RAPGEF4: variants seen among roughly 807,000 people sequenced by gnomAD.
RAPGEF4 encodes RAP guanine-nucleotide-exchange factor (GEF) 4.
A neutral mutation model predicts 147.9 loss-of-function variants in RAPGEF4; 66 were observed. That is an observed-to-expected ratio of 0.45 (90% CI 0.37 to 0.55). The LOEUF (loss-of-function observed/expected upper bound fraction) is 0.55. Among genes scored for constraint, RAPGEF4 ranks in the 20% least tolerant of loss-of-function variants. RAPGEF4 has a pLI of 0.00. For missense variants in RAPGEF4, 1,071 were observed against 1,257.3 expected (o/e 0.85, Z 2.24); for synonymous variants, 419 against 442.7 (o/e 0.95, Z 0.67).
intron 4 of RAPGEF4, among the ~76,000 whole-genome samples, chr2:172,840,887 G>T (rs1018449283): frequency 6.6e-6 from 1 of 152,180 alleles, no homozygotes; most frequent in African/African-American, 2.4e-5. Context: ...AGGCCACCAT[G>T]CTGGGCATTG....
chr2:172,996,401 G>A, intron 15 of RAPGEF4, 65 bp from the exon 16 acceptor site: 3 of 918,472 alleles, frequency 3.3e-6, no homozygotes, highest in Non-Finnish European at 4.8e-6. Context: ...ACTTAGATAA[G>A]TAAAAGTTTT....
chr2:172,970,126 A>C (rs953854837), intron 10 of RAPGEF4, among the ~76,000 whole-genome samples: 1 of 151,480 alleles, frequency 6.6e-6, no homozygotes, highest in African/African-American at 2.4e-5. Context: ...AAAAATAAGG[A>C]ATCTAATTTT....
chr2:172,985,650 T>A, intron 12 of RAPGEF4, 157 bp downstream of exon 12: 2 of 1,388,170 alleles, frequency 1.4e-6, no homozygotes, highest in Non-Finnish European at 1.9e-6. Flanking sequence ...TCTGGACCTG[T>A]GATTATTTCC....
At chr2:172,883,132 G>T (rs1033347610) in intron 4 of RAPGEF4, among the ~76,000 whole-genome samples, 1 of 152,084 alleles carries the variant, frequency 6.6e-6, no homozygotes, top group Non-Finnish European at 1.5e-5. Context: ...TTACCTTAGG[G>T]CTAGACTTTG....
chr2:172,792,386 A>T (rs977009999), intron 1 of RAPGEF4, among the ~76,000 whole-genome samples: 1 of 152,198 alleles, frequency 6.6e-6, no homozygotes, highest in Admixed American at 6.5e-5. Context: ...TAGGAGGAAG[A>T]GGCACTGATA....
chr2:172,942,634 G>A (rs1193453096), intron 6 of RAPGEF4, among the ~76,000 whole-genome samples: 1 of 151,464 alleles, frequency 6.6e-6, no homozygotes, highest in Non-Finnish European at 1.5e-5. Context: ...TGTTACCAAA[G>A]GGAAGTGCAG....
At chr2:172,981,738 A>G (rs554826376) in intron 10 of RAPGEF4, among the ~76,000 whole-genome samples, 2 of 152,360 alleles carry the variant, frequency 1.3e-5, no homozygotes, top group South Asian at 2.1e-4. Context: ...TCTTCCTCCA[A>G]TTAGACTCCA....
chr2:173,017,551 T>C, intron 21 of RAPGEF4, 47 bp downstream of exon 21: 1 of 1,538,028 alleles, frequency 6.5e-7, no homozygotes, highest in Non-Finnish European at 9.0e-7. Context: ...GATTATTTAG[T>C]CAGGATAATG....
intron 5 of RAPGEF4, among the ~76,000 whole-genome samples, chr2:172,920,034 C>T (rs998542460): frequency 6.6e-6 from 1 of 152,100 alleles, no homozygotes; most frequent in African/African-American, 2.4e-5. Context: ...ACTATCTCAC[C>T]CTTGGTCTAG....
At chr2:172,789,802 AG>A (rs112066149) in intron 1 of RAPGEF4, among the ~76,000 whole-genome samples, 3,221 of 152,302 alleles carry the variant, frequency 0.021, 37 homozygotes, top group South Asian at 0.03. Context: ...CTTCATTTTC[AG>A]GGGGTAAATA....
rs564281032 is a variant in RAPGEF4, at chr2:172,998,967, T to C, written c.1580-2299T>C. ...TATAGCCTTCCTTTCAAGTCACCTCTAAAAGAGATGGAGATTGGATTATTG... is the reference window on the plus strand; with the variant it reads ...TATAGCCTTCCTTTCAAGTCACCTCCAAAAGAGATGGAGATTGGATTATTG... On this transcript the variant is annotated intron_variant, in intron 16 of 30. Coordinates refer to ENST00000397081, the MANE Select transcript of RAPGEF4 (RefSeq NM_007023.4). 4.8e-4 allele frequency among the ~76,000 whole-genome samples: 73 copies of C among 152,348 alleles called. 1 individual carries two copies. The South Asian group carries it at 0.011, about 23-fold the overall frequency.
intron 6 of RAPGEF4, among the ~76,000 whole-genome samples, chr2:172,959,037 A>G (rs1689019119): frequency 6.6e-6 from 1 of 152,128 alleles, no homozygotes; most frequent in South Asian, 2.1e-4. Context: ...TTTCACTGTA[A>G]TGGCTTCTAT....
intron 20 of RAPGEF4, 37 bp from the exon 21 acceptor site, chr2:173,017,389 C>T: frequency 1.3e-6 from 2 of 1,586,472 alleles, no homozygotes; most frequent in Non-Finnish European, 1.7e-6. Context: ...GCATTGGTCA[C>T]TGTCCCTTAT....
At chr2:172,788,170 G>C (rs552438759) in intron 1 of RAPGEF4, among the ~76,000 whole-genome samples, 1 of 152,094 alleles carries the variant, frequency 6.6e-6, no homozygotes, top group East Asian at 1.9e-4. Flanking sequence ...ACCTCCCAAA[G>C]GCTCCACCTC....
intron 4 of RAPGEF4, among the ~76,000 whole-genome samples, chr2:172,896,889 C>G (rs1698533522): frequency 6.6e-6 from 1 of 152,208 alleles, no homozygotes; most frequent in Non-Finnish European, 1.5e-5. Flanking sequence ...GTAAGCATAA[C>G]TCTGCATGCT....
At chr2:173,050,942 C>T (rs1288271008) in intron 30 of RAPGEF4, among the ~76,000 whole-genome samples, 1 of 152,122 alleles carries the variant, frequency 6.6e-6, no homozygotes, top group Non-Finnish European at 1.5e-5. Flanking sequence ...CATCATTCAG[C>T]CCTGATCTTC....
At chr2:172,947,182 T>C (rs1187925082) in intron 6 of RAPGEF4, among the ~76,000 whole-genome samples, 1 of 152,234 alleles carries the variant, frequency 6.6e-6, no homozygotes, top group Admixed American at 6.5e-5. Flanking sequence ...TGCAATGAAA[T>C]ATGTGAATAA....
intron 1 of RAPGEF4, among the ~76,000 whole-genome samples, chr2:172,764,415 A>C (rs561110280): frequency 3.9e-5 from 6 of 152,242 alleles, no homozygotes; most frequent in Non-Finnish European, 8.8e-5. Flanking sequence ...CAGAGGTACC[A>C]TCCCAAAATC....
intron 3 of RAPGEF4, among the ~76,000 whole-genome samples, chr2:172,808,363 T>C (rs2149587165): frequency 1.3e-5 from 2 of 152,344 alleles, no homozygotes; most frequent in South Asian, 4.1e-4. Context: ...TTCCTTTGAA[T>C]ACGAGCTCCC....
Sources: gnomAD v4.1 joint callset for allele counts (sites outside exome capture counted in the v4.1 genomes callset) on GRCh38, gnomAD v4.1.1 for gene constraint, MANE v1.5 for transcripts, NCBI Gene and HGNC (gene_info 2026-07-23, HGNC 2026-07-21) for gene names.